Variants in VMP1 observed in about 807,000 individuals in gnomAD.
VMP1 encodes vacuole membrane protein 1.
In VMP1, 11 loss-of-function variants were observed where a neutral mutation model predicts 56.0. That is an observed-to-expected ratio of 0.20 (90% CI 0.12 to 0.32). The LOEUF is 0.32. Among genes scored for constraint, VMP1 ranks in the 10% least tolerant of loss-of-function variants. The pLI is 1.00. For missense variants in VMP1, 296 were observed against 490.3 expected (o/e 0.60, Z 3.74); for synonymous variants, 149 against 165.0 (o/e 0.90, Z 0.74).
intron 10 of VMP1, among the ~76,000 whole-genome samples, chr17:59,823,296 C>G (rs1164613152): frequency 2.6e-5 from 4 of 151,498 alleles, no homozygotes; most frequent in Non-Finnish European, 4.4e-5. Context: ...ACTAAAAATA[C>G]AAAAATTAGC....
Position 59,734,902 on chromosome 17 carries a change from C to CTTTT in VMP1, c.77-416_77-413dup, listed in dbSNP as rs35072996. Among the ~76,000 whole-genome samples the CTTTT allele has an allele frequency of 7.5e-3, 540 of 72,238 alleles. 13 individuals are homozygous for CTTTT. The highest frequency in any genetic ancestry group is 0.015 in the East Asian group (30 of 2,016). The allele number at this position is 72,238 out of a possible 152,430, so 47.4% of individuals were successfully genotyped here. ...TCTATGCTGAGTTGGGACTGGTTGC[C>CTTTT]TTTTTTTTTTTTTTTTTTTTTTTGA... On this transcript the variant is annotated intron_variant, in intron 2 of 11. Transcript: ENST00000262291.
intron 5 of VMP1, among the ~76,000 whole-genome samples, chr17:59,759,903 GTTTTTTT>G (rs58618508): frequency 1.0e-5 from 1 of 97,956 alleles, no homozygotes; most frequent in Non-Finnish European, 2.5e-5. Context: ...GTTTTTTGGT[GTTTTTTT>G]TTTTTTTTTT....
intron 10 of VMP1, among the ~76,000 whole-genome samples, chr17:59,818,959 AAAG>A (rs2038343831): frequency 6.6e-6 from 1 of 152,162 alleles, no homozygotes; most frequent in South Asian, 2.1e-4. Context: ...CTATTTAAAA[AAAG>A]AATGCCACTT....
chr17:59,786,195 G>A (rs1038433191), intron 7 of VMP1, among the ~76,000 whole-genome samples: 5 of 151,858 alleles, frequency 3.3e-5, no homozygotes, highest in African/African-American at 1.2e-4. Context: ...TTTATCTAGC[G>A]AACATCCCTT....
At chr17:59,796,066 T>C (rs773538055) in intron 7 of VMP1, among the ~76,000 whole-genome samples, 5 of 152,210 alleles carry the variant, frequency 3.3e-5, no homozygotes, top group African/African-American at 4.8e-5. Context: ...TTTTGCTCTC[T>C]CTTGCTTTGT....
intron 2 of VMP1, among the ~76,000 whole-genome samples, chr17:59,734,147 C>G (rs1325876222): frequency 6.6e-5 from 10 of 152,150 alleles, no homozygotes; most frequent in Non-Finnish European, 1.5e-5. Flanking sequence ...TTAGGACATC[C>G]TCTACAAAAG....
chr17:59,725,741 C>T (rs2034577675), intron 1 of VMP1, among the ~76,000 whole-genome samples: 1 of 151,932 alleles, frequency 6.6e-6, no homozygotes, highest in Admixed American at 6.6e-5. Context: ...AACTTAGTTC[C>T]CTGGGTTATT....
intron 5 of VMP1, among the ~76,000 whole-genome samples, chr17:59,758,043 G>A (rs889312197): frequency 7.9e-5 from 12 of 151,526 alleles, no homozygotes; most frequent in African/African-American, 2.7e-4. Context: ...GTCTCTCCAT[G>A]TTACCCAGGC....
chr17:59,775,552 G>A (rs1194873144), intron 7 of VMP1, among the ~76,000 whole-genome samples: 3 of 151,682 alleles, frequency 2.0e-5, no homozygotes, highest in Non-Finnish European at 4.4e-5. Flanking sequence ...AAACTCCTGG[G>A]CTCAAGTGAT....
At chr17:59,717,976 T>C (rs1262757282) in intron 1 of VMP1, among the ~76,000 whole-genome samples, 2 of 151,998 alleles carry the variant, frequency 1.3e-5, no homozygotes, top group Admixed American at 1.3e-4. Flanking sequence ...TTTCAACAAT[T>C]AGAAACCTGT....
At chr17:59,763,671 AT>A (rs1300446829) in intron 5 of VMP1, among the ~76,000 whole-genome samples, 6 of 152,156 alleles carry the variant, frequency 3.9e-5, no homozygotes, top group African/African-American at 1.4e-4. Context: ...TTTTATTTTT[AT>A]CACTAGATTT....
rs561725445 is a variant in VMP1 at position 59,751,787 on chromosome 17, G to C, written c.414+12840G>C. On this transcript the variant is annotated intron_variant, in intron 5 of 11. Transcript: ENST00000262291. The stretch of plus-strand genomic sequence containing the variant: ...AAAAAAAGTCTAACCTAGGGCTACA[G>C]AGCATACCTTCTCTTTTTCATTTTC... Among the ~76,000 whole-genome samples, 22 of 145,594 alleles carry C rather than the reference G, an allele frequency of 1.5e-4. No homozygotes were observed. In the South Asian group the frequency reaches 4.9e-3, roughly 32 times the overall value.
intron 10 of VMP1, among the ~76,000 whole-genome samples, chr17:59,818,998 T>C (rs550163219): frequency 6.6e-6 from 1 of 152,256 alleles, no homozygotes; most frequent in South Asian, 2.1e-4. Flanking sequence ...ACTATTGATT[T>C]TTTTGGTCAT....
intron 10 of VMP1, among the ~76,000 whole-genome samples, chr17:59,819,403 A>G (rs2038359950): frequency 6.6e-6 from 1 of 152,004 alleles, no homozygotes; most frequent in African/African-American, 2.4e-5. Flanking sequence ...TCAGCCTTCC[A>G]AAGTGTTGGA....
chr17:59,829,350 T>C (rs977058456), intron 10 of VMP1, among the ~76,000 whole-genome samples: 3 of 152,138 alleles, frequency 2.0e-5, no homozygotes, highest in Admixed American at 6.6e-5. Flanking sequence ...TTCAGAAAGA[T>C]TGCATGATAA....
Position 59,744,075 on chromosome 17 carries a change from A to C in VMP1, c.414+5128A>C, listed in dbSNP as rs183535558. On this transcript the variant is annotated intron_variant, in intron 5 of 11. Transcript: ENST00000262291. ...GTTGAGGAAGTACCCCTCTGTGCCA[A>C]ATTTGCTGAGGTTTTTGTTTTTTTT... Among the ~76,000 whole-genome samples, 4 of 148,198 alleles carry C rather than the reference A, an allele frequency of 2.7e-5. No individual in the cohort carries two copies. The South Asian group carries it at 8.8e-4, about 33-fold the overall frequency.
At chr17:59,792,876 A>T (rs529342733) in intron 7 of VMP1, among the ~76,000 whole-genome samples, 960 of 77,128 alleles carry the variant, frequency 0.012, 121 homozygotes, top group Middle Eastern at 0.04. Flanking sequence ...TAATAATAAT[A>T]ATTATTATTA....
intron 8 of VMP1, 114 bp downstream of exon 8, chr17:59,808,990 G>T: frequency 4.9e-6 from 4 of 808,736 alleles, no homozygotes; most frequent in Non-Finnish European, 7.4e-6. Flanking sequence ...ATGTAATTTT[G>T]TGAATCATTC....
chr17:59,810,908 G>C (rs1222435789), intron 8 of VMP1, among the ~76,000 whole-genome samples: 1 of 152,144 alleles, frequency 6.6e-6, no homozygotes, highest in Non-Finnish European at 1.5e-5. Context: ...TGGCTTCTTT[G>C]CATTTTTACA....
Sources: allele counts gnomAD v4.1 joint callset (sites outside exome capture counted in the v4.1 genomes callset), GRCh38; gene constraint gnomAD v4.1.1; transcripts MANE v1.5; gene names NCBI Gene and HGNC (gene_info 2026-07-23, HGNC 2026-07-21).